The following NELL2 variants were observed in gnomAD, a reference collection of about 807,000 sequenced individuals.
NELL2 encodes protein kinase C-binding protein NELL2.
Under a neutral mutation model 109.6 loss-of-function variants are expected in NELL2, and 41 were observed. The observed-to-expected ratio is 0.37, with a 90% confidence interval of 0.29 to 0.49. NELL2 has a LOEUF of 0.49. Among genes scored for constraint, NELL2 ranks in the 20% least tolerant of loss-of-function variants. The pLI, the probability that NELL2 is intolerant of heterozygous loss-of-function variation, is 0.98. For missense variants in NELL2, 900 were observed against 1,008.3 expected (o/e 0.89, Z 1.45); for synonymous variants, 355 against 344.7 (o/e 1.03, Z -0.33).
chr12:44,731,795 A>C (rs903688003), intron 9 of NELL2, among the ~76,000 whole-genome samples: 1 of 152,064 alleles, frequency 6.6e-6, no homozygotes, highest in Non-Finnish European at 1.5e-5. Context: ...AGAAAGGAAA[A>C]AGTAAAATTA....
chr12:44,885,140 A>G (rs1853689702), intron 1 of NELL2, among the ~76,000 whole-genome samples: 1 of 151,894 alleles, frequency 6.6e-6, no homozygotes, highest in South Asian at 2.1e-4. Context: ...CAAGCCAGGC[A>G]TGGTGGTGAG....
At chr12:44,901,437 C>A (rs1337160199) in intron 1 of NELL2, among the ~76,000 whole-genome samples, 2 of 152,100 alleles carry the variant, frequency 1.3e-5, no homozygotes, top group Non-Finnish European at 2.9e-5. Context: ...AGCCTAGAAC[C>A]AGATGGATTC....
rs773189298 is a variant in NELL2, at chr12:44,520,026, C to G, written c.2379G>C (p.Glu793Asp). Reference protein sequence around the residue: ...TGSSWIKHGTECTLCQCKNGH... With the variant: ...TGSSWIKHGTDCTLCQCKNGH... ...TTACCTTGCACTGGCAGAGAGTACA[C>G]TCAGTGCCATGTTTGATCCAAGAGG... The change falls in exon 19 of 20, where the codon GAG becomes GAC. Residue 793 changes from glutamate (E) to aspartate (D), a missense_variant. Around this residue, in one of 4 missense-constraint regions of NELL2, gnomAD observed 333 missense variants for 432.3 expected, o/e 0.77. Transcript: ENST00000429094. 2 of 1,614,136 alleles carry G rather than the reference C, an allele frequency of 1.2e-6. No homozygotes were observed. The highest frequency in any genetic ancestry group is 1.1e-5 in the South Asian group (1 of 91,076).
intron 15 of NELL2, among the ~76,000 whole-genome samples, chr12:44,574,474 C>T (rs1943994503): frequency 6.6e-6 from 1 of 151,846 alleles, no homozygotes; most frequent in South Asian, 2.1e-4. Context: ...ATCTATAACC[C>T]ACTTAATATT....
At chr12:44,888,206 T>C (rs770457665) in intron 1 of NELL2, among the ~76,000 whole-genome samples, 3 of 152,038 alleles carry the variant, frequency 2.0e-5, no homozygotes, top group African/African-American at 4.8e-5. Flanking sequence ...TATCTGTTTT[T>C]ATGCCAGTAT....
Position 44,620,270 on chromosome 12 carries a change from G to T in NELL2, c.1445-9300C>A, listed in dbSNP as rs147511001. 2.5e-3 allele frequency among the ~76,000 whole-genome samples: 382 copies of T among 152,042 alleles called. 1 individual carries two copies. Among genetic ancestry groups the T allele is most frequent in the African/African-American group, 8.8e-3 (363 of 41,462 alleles). ...TTCACCTCAAATCTGTTTAACGACCGCCACTTACATGGTAAACCCGTGGGT... is the reference window on the plus strand; with the variant it reads ...TTCACCTCAAATCTGTTTAACGACCTCCACTTACATGGTAAACCCGTGGGT... On this transcript the variant is annotated intron_variant, in intron 13 of 19. Coordinates refer to ENST00000429094, the MANE Select transcript of NELL2 (RefSeq NM_001145108.2).
chr12:44,552,318 C>T (rs1943071954), intron 15 of NELL2, among the ~76,000 whole-genome samples: 1 of 152,068 alleles, frequency 6.6e-6, no homozygotes, highest in Admixed American at 6.5e-5. Flanking sequence ...ATCCTTGTAA[C>T]CTGTCATTTT....
chr12:44,656,986 C>A (rs1378471107), intron 13 of NELL2, among the ~76,000 whole-genome samples: 1 of 152,162 alleles, frequency 6.6e-6, no homozygotes, highest in Non-Finnish European at 1.5e-5. Flanking sequence ...AAAGAAATTA[C>A]CTTTCTGGTA....
intron 13 of NELL2, among the ~76,000 whole-genome samples, chr12:44,631,254 T>C (rs1592237399): frequency 6.8e-6 from 1 of 147,960 alleles, no homozygotes; most frequent in Non-Finnish European, 1.5e-5. Flanking sequence ...TATAAATATA[T>C]ATAAACATTA....
At chr12:44,898,107 G>A (rs1945615825) in intron 1 of NELL2, among the ~76,000 whole-genome samples, 1 of 152,206 alleles carries the variant, frequency 6.6e-6, no homozygotes, top group South Asian at 2.1e-4. Flanking sequence ...AGCAGCTCTA[G>A]TCAGGGGCTT....
At chr12:44,572,429 G>A (rs1340007424) in intron 15 of NELL2, among the ~76,000 whole-genome samples, 1 of 152,122 alleles carries the variant, frequency 6.6e-6, no homozygotes, top group African/African-American at 2.4e-5. Context: ...GGATTACAAT[G>A]TGAGCTACTG....
intron 13 of NELL2, among the ~76,000 whole-genome samples, chr12:44,611,735 G>A (rs1240332548): frequency 1.3e-5 from 2 of 152,146 alleles, no homozygotes; most frequent in South Asian, 2.1e-4. Context: ...CGGTGGCTCA[G>A]AGTGTTTAAG....
chr12:44,762,027 T>C (rs1941148721), intron 9 of NELL2, among the ~76,000 whole-genome samples: 1 of 152,050 alleles, frequency 6.6e-6, no homozygotes. Flanking sequence ...CCTGAATCTA[T>C]AAAAATAAAA....
intron 12 of NELL2, among the ~76,000 whole-genome samples, chr12:44,687,495 CT>C (rs1948764518): frequency 6.6e-6 from 1 of 152,240 alleles, no homozygotes; most frequent in African/African-American, 2.4e-5. Flanking sequence ...CAGGCCCAAG[CT>C]TCCACTTCCT....
chr12:44,584,041 T>C (rs1252109076), intron 15 of NELL2, among the ~76,000 whole-genome samples: 1 of 152,234 alleles, frequency 6.6e-6, no homozygotes, highest in African/African-American at 2.4e-5. Context: ...CCAGAAGTGC[T>C]GGGATTACAG....
chr12:44,586,873 C>T (rs1434099149), intron 15 of NELL2, among the ~76,000 whole-genome samples: 1 of 152,192 alleles, frequency 6.6e-6, no homozygotes, highest in East Asian at 1.9e-4. Context: ...AAAGTCAGCA[C>T]TCAATACACA....
At chr12:44,910,134 G>A (rs1312776115) in intron 1 of NELL2, among the ~76,000 whole-genome samples, 1 of 151,760 alleles carries the variant, frequency 6.6e-6, no homozygotes, top group Non-Finnish European at 1.5e-5. Context: ...TGACAAGTGG[G>A]ACCTAATTAA....
At chr12:44,838,069 C>T (rs577395946) in intron 2 of NELL2, among the ~76,000 whole-genome samples, 3 of 152,308 alleles carry the variant, frequency 2.0e-5, no homozygotes, top group East Asian at 1.9e-4. Flanking sequence ...CTAATAACAA[C>T]ATCAGCAAAC....
At chr12:44,699,852 G>C (rs11182615) in intron 12 of NELL2, among the ~76,000 whole-genome samples, 9,508 of 152,094 alleles carry the variant, frequency 0.063, 948 homozygotes, top group African/African-American at 0.21. Context: ...TCAGCCATGA[G>C]TTTGCTATCG....
Sources: allele counts gnomAD v4.1 joint callset (sites outside exome capture counted in the v4.1 genomes callset), GRCh38; gene constraint gnomAD v4.1.1; regional missense constraint gnomAD v4.1.1; transcripts MANE v1.5; gene names NCBI Gene and HGNC (gene_info 2026-07-23, HGNC 2026-07-21).